The following CNTN5 variants were observed in gnomAD, a reference collection of about 807,000 sequenced individuals.
CNTN5 encodes the protein contactin 5.
In CNTN5, 77 loss-of-function variants were observed where a neutral mutation model predicts 129.1. The observed-to-expected ratio is 0.60, with a 90% CI of 0.50 to 0.72. The LOEUF is 0.72. Among genes scored for constraint, CNTN5 ranks in the 30% least tolerant of loss-of-function variants. The pLI is 0.00. For synonymous variants in CNTN5, 509 were observed against 465.6 expected, an observed-to-expected ratio of 1.09 and a Z score of -1.20; for missense variants, 1,478 against 1,328.8, an observed-to-expected ratio of 1.11 and a Z score of -1.75.
At chr11:100,291,909 G>GT (rs966983114) in intron 18 of CNTN5, among the ~76,000 whole-genome samples, 1 of 151,574 alleles carries the variant, frequency 6.6e-6, no homozygotes, top group African/African-American at 2.4e-5. Flanking sequence ...CAAAAAAAAG[G>GT]TTTTTTCTTC....
chr11:99,081,975 T>C (rs1198561459), intron 1 of CNTN5, among the ~76,000 whole-genome samples: 1 of 151,526 alleles, frequency 6.6e-6, no homozygotes, highest in Admixed American at 6.6e-5. Flanking sequence ...ATTTTAAAAA[T>C]CTATGTAATG....
At chr11:99,070,875 A>T (rs1865314211) in intron 1 of CNTN5, among the ~76,000 whole-genome samples, 1 of 152,152 alleles carries the variant, frequency 6.6e-6, no homozygotes, top group Non-Finnish European at 1.5e-5. Context: ...TAAGAAGTAC[A>T]AGTAGCAGTA....
chr11:99,080,239 A>T (rs992090055), intron 1 of CNTN5, among the ~76,000 whole-genome samples: 4 of 152,202 alleles, frequency 2.6e-5, no homozygotes, highest in Non-Finnish European at 5.9e-5. Context: ...TATTAATTTG[A>T]ATAGGCTTGA....
At chr11:99,083,607 A>G (rs1194142446) in intron 1 of CNTN5, among the ~76,000 whole-genome samples, 1 of 152,210 alleles carries the variant, frequency 6.6e-6, no homozygotes, top group Non-Finnish European at 1.5e-5. Flanking sequence ...AAAAAAAAGT[A>G]TAACTTTTAT....
intron 18 of CNTN5, among the ~76,000 whole-genome samples, chr11:100,289,565 C>T (rs1337300597): frequency 6.6e-6 from 1 of 152,282 alleles, no homozygotes; most frequent in African/African-American, 2.4e-5. Flanking sequence ...AACAACGCTT[C>T]ATGCTAAAAA....
chr11:100,312,282 A>G (rs1051480368), intron 21 of CNTN5, among the ~76,000 whole-genome samples: 1 of 152,066 alleles, frequency 6.6e-6, no homozygotes, highest in African/African-American at 2.4e-5. Context: ...ATACTGTTTC[A>G]TAACTGAATA....
At chr11:99,232,587 G>A (rs1008556283) in intron 1 of CNTN5, among the ~76,000 whole-genome samples, 1 of 152,112 alleles carries the variant, frequency 6.6e-6, no homozygotes, top group African/African-American at 2.4e-5. Context: ...ATTGTATCAT[G>A]TCTTCTGCAA....
chr11:99,616,517 C>T (rs559634991), intron 3 of CNTN5, among the ~76,000 whole-genome samples: 25 of 151,936 alleles, frequency 1.6e-4, no homozygotes, highest in South Asian at 1.2e-3. Flanking sequence ...CCCATATCCT[C>T]GACCAGATTA....
intron 2 of CNTN5, among the ~76,000 whole-genome samples, chr11:99,382,977 C>T (rs1940690782): frequency 6.7e-6 from 1 of 148,536 alleles, no homozygotes; most frequent in Non-Finnish European, 1.5e-5. Flanking sequence ...CTGCCTCAGC[C>T]TCCTGAGTAG....
intron 1 of CNTN5, among the ~76,000 whole-genome samples, chr11:99,169,299 A>G (rs4754590): frequency 0.43 from 65,467 of 151,854 alleles, 14,968 homozygotes; most frequent in East Asian, 0.8. Flanking sequence ...GAGGTCCTGG[A>G]ATTCCTGTGC....
chr11:99,824,355 A>T (rs1418508301), intron 4 of CNTN5, among the ~76,000 whole-genome samples: 1 of 151,856 alleles, frequency 6.6e-6, no homozygotes, highest in Non-Finnish European at 1.5e-5. Flanking sequence ...CATTTTCTTG[A>T]CTAGTGAGGT....
intron 8 of CNTN5, among the ~76,000 whole-genome samples, chr11:99,960,371 T>C (rs532613088): frequency 8.8e-4 from 134 of 152,276 alleles, no homozygotes; most frequent in Non-Finnish European, 1.6e-3. Context: ...TTTTTTCTTC[T>C]ACTTGTATTT....
intron 7 of CNTN5, among the ~76,000 whole-genome samples, chr11:99,943,573 A>G (rs1950490477): frequency 6.6e-6 from 1 of 151,960 alleles, no homozygotes; most frequent in South Asian, 2.1e-4. Context: ...TTTCGTTGCC[A>G]TTGCTTTTGA....
chr11:99,473,447 G>A (rs1336532897), intron 2 of CNTN5, among the ~76,000 whole-genome samples: 1 of 152,048 alleles, frequency 6.6e-6, no homozygotes, highest in African/African-American at 2.4e-5. Flanking sequence ...ATCAGAGTTT[G>A]CAAATTTTGG....
intron 3 of CNTN5, among the ~76,000 whole-genome samples, chr11:99,651,207 G>A (rs1488363958): frequency 7.2e-6 from 1 of 139,504 alleles, no homozygotes; most frequent in East Asian, 2.1e-4. Flanking sequence ...AAGGGAAACA[G>A]TTATGTTAAA....
intron 2 of CNTN5, among the ~76,000 whole-genome samples, chr11:99,414,326 C>A (rs1231932116): frequency 6.6e-6 from 1 of 152,046 alleles, no homozygotes; most frequent in African/African-American, 2.4e-5. Flanking sequence ...TCTTTCTCTG[C>A]CCCATGGAAA....
intron 1 of CNTN5, among the ~76,000 whole-genome samples, chr11:99,257,964 T>G (rs1440843887): frequency 6.6e-6 from 1 of 151,974 alleles, no homozygotes; most frequent in Non-Finnish European, 1.5e-5. Context: ...TCACCAAAGG[T>G]CCCACAGGGA....
chr11:100,016,681 A>G (rs1476919371), intron 9 of CNTN5, among the ~76,000 whole-genome samples: 1 of 151,992 alleles, frequency 6.6e-6, no homozygotes, highest in African/African-American at 2.4e-5. Context: ...TAGATTTAAT[A>G]TATTTCTTGC....
chr11:99,646,843 A>G (rs1461555726), intron 3 of CNTN5, among the ~76,000 whole-genome samples: 2 of 150,402 alleles, frequency 1.3e-5, no homozygotes, highest in African/African-American at 2.4e-5. Context: ...AAAACCCTAG[A>G]CTTGCTATTC....
Sources: gnomAD v4.1 joint callset for allele counts (sites outside exome capture counted in the v4.1 genomes callset) on GRCh38, gnomAD v4.1.1 for gene constraint, MANE v1.5 for transcripts, NCBI Gene and HGNC (gene_info 2026-07-23, HGNC 2026-07-21) for gene names.